Variants in COX7B2 observed in about 807,000 individuals in gnomAD.
COX7B2 encodes the protein cytochrome c oxidase subunit 7B2, mitochondrial.
For synonymous variants in COX7B2, 37 were observed against 32.1 expected (o/e 1.15, Z -0.51); for missense variants, 109 against 95.9 (o/e 1.14, Z -0.57).
At chr4:46,777,361 G>A (rs984536266) in intron 2 of COX7B2, among the ~76,000 whole-genome samples, 1 of 151,996 alleles carries the variant, frequency 6.6e-6, no homozygotes, top group African/African-American at 2.4e-5. Flanking sequence ...GTAGCTATAG[G>A]GGAAAGTGGA....
chr4:46,843,560 A>G (rs1716078736), intron 2 of COX7B2, among the ~76,000 whole-genome samples: 1 of 152,018 alleles, frequency 6.6e-6, no homozygotes, highest in Non-Finnish European at 1.5e-5. Context: ...TCAACAAGCC[A>G]GCCAGGAATT....
chr4:46,783,742 AAGGGCAG>A (rs1717603700), intron 2 of COX7B2, among the ~76,000 whole-genome samples: 2 of 152,200 alleles, frequency 1.3e-5, no homozygotes, highest in Admixed American at 6.5e-5. Context: ...ACAAAAAGGG[AAGGGCAG>A]GGCAGGAAAG....
intron 2 of COX7B2, among the ~76,000 whole-genome samples, chr4:46,824,091 A>G (rs1714501519): frequency 2.0e-5 from 3 of 152,144 alleles, no homozygotes; most frequent in African/African-American, 7.2e-5. Context: ...TCTATTAATG[A>G]AATTAACCTC....
In COX7B2 at chr4:46,746,467, C is replaced by T. The variant is rs971446514; in HGVS notation, c.-49-11226G>A. Among the ~76,000 whole-genome samples, 7 of 152,108 alleles carry T rather than the reference C, an allele frequency of 4.6e-5. 1 individual carries two copies. The South Asian group carries it at 6.2e-4, about 14-fold the overall frequency. Reference sequence around the variant, plus strand: ...TTGACCAAAAGTGGAGCATGGAGTACGCTGTCACCAGAGGTAGGCAGAATG... The same window carrying T: ...TTGACCAAAAGTGGAGCATGGAGTATGCTGTCACCAGAGGTAGGCAGAATG... On this transcript the variant is annotated intron_variant, in intron 2 of 2. Transcript: ENST00000355591.
chr4:46,812,179 G>A (rs1365929735), intron 2 of COX7B2, among the ~76,000 whole-genome samples: 1 of 152,094 alleles, frequency 6.6e-6, no homozygotes, highest in Non-Finnish European at 1.5e-5. Context: ...TGGGCTAAGG[G>A]TTTTGTCAAA....
At chr4:46,864,986 G>A (rs1258081462) in intron 1 of COX7B2, among the ~76,000 whole-genome samples, 19 of 152,084 alleles carry the variant, frequency 1.2e-4, no homozygotes, top group Admixed American at 1.2e-3. Flanking sequence ...TAGCTTTGGG[G>A]ATACATGTGT....
intron 1 of COX7B2, among the ~76,000 whole-genome samples, chr4:46,869,627 C>A (rs1717866942): frequency 6.6e-6 from 1 of 152,210 alleles, no homozygotes; most frequent in Non-Finnish European, 1.5e-5. Context: ...CTTTGCTTAG[C>A]AAGCTTAATT....
chr4:46,868,760 C>T (rs914424891), intron 1 of COX7B2, among the ~76,000 whole-genome samples: 2 of 152,040 alleles, frequency 1.3e-5, no homozygotes, highest in African/African-American at 4.8e-5. Flanking sequence ...GTGGTTCTTT[C>T]GCATTTGCTG....
chr4:46,792,447 GA>G (rs1331905828), intron 2 of COX7B2, among the ~76,000 whole-genome samples: 1 of 152,160 alleles, frequency 6.6e-6, no homozygotes, highest in Non-Finnish European at 1.5e-5. Flanking sequence ...CCCACCCACT[GA>G]GGCCTCAAAC....
chr4:46,741,210 C>T (rs1310932966), intron 2 of COX7B2, among the ~76,000 whole-genome samples: 3 of 152,030 alleles, frequency 2.0e-5, no homozygotes, highest in African/African-American at 4.8e-5. Context: ...CCAGATATTA[C>T]TCTTAAATAG....
intron 1 of COX7B2, among the ~76,000 whole-genome samples, chr4:46,900,638 A>C: frequency 6.6e-6 from 1 of 152,202 alleles, no homozygotes. Flanking sequence ...TTGACATTCT[A>C]ACCCCCACAG....
chr4:46,811,379 T>C (rs996518381), intron 2 of COX7B2, among the ~76,000 whole-genome samples: 3 of 152,000 alleles, frequency 2.0e-5, no homozygotes, highest in African/African-American at 7.2e-5. Context: ...AAAAGACCTA[T>C]ACTGCAGTTC....
chr4:46,788,818 T>C (rs1474784696), intron 2 of COX7B2, among the ~76,000 whole-genome samples: 1 of 152,178 alleles, frequency 6.6e-6, no homozygotes, highest in Non-Finnish European at 1.5e-5. Context: ...ATTTCATCTA[T>C]CTTTTGATGG....
At position 46,879,678 on chromosome 4, in the gene COX7B2, G is replaced by A. The variant is rs746451084; in HGVS notation, c.-105+29482C>T. ...ACCTCTTCAATACATTTATTGTACCGCTTTGATGAATCCTTGATGGATTTA... is the reference window on the plus strand; with the variant it reads ...ACCTCTTCAATACATTTATTGTACCACTTTGATGAATCCTTGATGGATTTA... On this transcript the variant is annotated intron_variant, in intron 1 of 2. Coordinates refer to ENST00000355591, the MANE Select transcript of COX7B2 (RefSeq NM_130902.3). Among the ~76,000 whole-genome samples, 9 of 151,004 alleles carry A rather than the reference G, an allele frequency of 6.0e-5. 2 individuals are homozygous for A. Among genetic ancestry groups the A allele is most frequent in the Admixed American group, 1.3e-4 (2 of 15,146 alleles).
intron 2 of COX7B2, among the ~76,000 whole-genome samples, chr4:46,821,505 G>C (rs1482016074): frequency 6.6e-6 from 1 of 152,184 alleles, no homozygotes; most frequent in Non-Finnish European, 1.5e-5. Flanking sequence ...ATAAGAACTA[G>C]ATACAGAATG....
intron 2 of COX7B2, among the ~76,000 whole-genome samples, chr4:46,766,139 G>A (rs1268661172): frequency 1.3e-5 from 2 of 152,150 alleles, no homozygotes; most frequent in East Asian, 3.9e-4. Flanking sequence ...AATGCTAAAG[G>A]AAGTGCTTAA....
intron 2 of COX7B2, among the ~76,000 whole-genome samples, chr4:46,831,193 C>T (rs1182456889): frequency 4.6e-5 from 7 of 152,116 alleles, no homozygotes; most frequent in Admixed American, 1.3e-4. Flanking sequence ...CCAGCAGCTG[C>T]GGAGGGTGGG....
At chr4:46,902,878 A>T (rs192575295) in intron 1 of COX7B2, among the ~76,000 whole-genome samples, 1 of 152,160 alleles carries the variant, frequency 6.6e-6, no homozygotes, top group Non-Finnish European at 1.5e-5. Flanking sequence ...CCCTGTCTCA[A>T]AATAATAAAT....
At chr4:46,831,490 T>A (rs1165708963) in intron 2 of COX7B2, among the ~76,000 whole-genome samples, 1 of 152,194 alleles carries the variant, frequency 6.6e-6, no homozygotes, top group Non-Finnish European at 1.5e-5. Flanking sequence ...CGGGATCCAC[T>A]GGGTGAAGCC....
Sources: gnomAD v4.1 joint callset for allele counts (sites outside exome capture counted in the v4.1 genomes callset) on GRCh38, gnomAD v4.1.1 for gene constraint, MANE v1.5 for transcripts, NCBI Gene and HGNC (gene_info 2026-07-23, HGNC 2026-07-21) for gene names.